Variants in TEX11 observed in about 807,000 individuals in gnomAD.
TEX11 encodes the protein testis-expressed protein 11.
In TEX11, 7 loss-of-function variants were observed where a neutral mutation model predicts 84.4. The observed-to-expected ratio is 0.08, with a 90% CI of 0.05 to 0.16. The LOEUF (loss-of-function observed/expected upper bound fraction) is 0.16. Among genes scored for constraint, TEX11 ranks in the 10% least tolerant of loss-of-function variants. The pLI is 1.00. For synonymous variants in TEX11, 264 were observed against 222.8 expected (o/e 1.18, Z -1.64); for missense variants, 551 against 660.5 (o/e 0.83, Z 1.82).
At chrX:70,567,378 G>A (rs1050406470) in intron 25 of TEX11, among the ~76,000 whole-genome samples, 2 of 111,241 alleles carry the variant, frequency 1.8e-5, no homozygotes, top group Non-Finnish European at 3.8e-5. Context: ...TGAATTTTTT[G>A]AAGGGGTTTT....
intron 8 of TEX11, among the ~76,000 whole-genome samples, chrX:70,830,899 G>A (rs1056142157): frequency 9.0e-6 from 1 of 111,310 alleles, no homozygotes; most frequent in African/African-American, 3.3e-5. Context: ...AAACAGTATA[G>A]AGGTTGCTCA....
intron 28 of TEX11, among the ~76,000 whole-genome samples, chrX:70,549,202 C>T (rs780173171): frequency 9.0e-6 from 1 of 111,112 alleles, no homozygotes; most frequent in Middle Eastern, 4.6e-3. Context: ...GACCCAGTCT[C>T]GGCAGGATTC....
chrX:70,632,121 GA>G (rs199682126), intron 17 of TEX11, among the ~76,000 whole-genome samples: 2,914 of 92,123 alleles, frequency 0.032, 101 homozygotes, highest in African/African-American at 0.1. Context: ...AGGAAAACCT[GA>G]AAAAAAAAAA....
intron 8 of TEX11, among the ~76,000 whole-genome samples, chrX:70,832,593 A>T (rs1023201254): frequency 8.0e-5 from 9 of 112,277 alleles, no homozygotes; most frequent in Non-Finnish European, 1.5e-4. Context: ...GGTACGATGT[A>T]TGCAATACTG....
intron 24 of TEX11, among the ~76,000 whole-genome samples, chrX:70,602,192 G>A (rs970205292): frequency 4.1e-4 from 46 of 111,898 alleles, no homozygotes; most frequent in African/African-American, 8.4e-4. Flanking sequence ...CCTCCCGGAT[G>A]GGGCGGCTGG....
intron 25 of TEX11, among the ~76,000 whole-genome samples, chrX:70,565,371 G>T (rs1332966068): frequency 3.7e-5 from 4 of 107,101 alleles, no homozygotes; most frequent in Non-Finnish European, 5.8e-5. Flanking sequence ...CACTCTGATG[G>T]TAGTTTCTTT....
intron 25 of TEX11, among the ~76,000 whole-genome samples, chrX:70,572,970 G>A (rs2088625234): frequency 9.0e-6 from 1 of 110,689 alleles, no homozygotes; most frequent in Non-Finnish European, 1.9e-5. Context: ...CCTGCACGTT[G>A]TGCATCTGTA....
intron 25 of TEX11, among the ~76,000 whole-genome samples, chrX:70,555,192 A>G (rs1354062807): frequency 8.9e-6 from 1 of 112,048 alleles, no homozygotes; most frequent in Non-Finnish European, 1.9e-5. Flanking sequence ...GGCCGAGTTA[A>G]CCAGAAGATA....
At chrX:70,563,738 T>C (rs73538787) in intron 25 of TEX11, among the ~76,000 whole-genome samples, 9,341 of 112,408 alleles carry the variant, frequency 0.083, 855 homozygotes, top group African/African-American at 0.26. Context: ...TGAATGGGTA[T>C]GGAATTTTTT....
At chrX:70,796,078 C>T (rs2091154444) in intron 9 of TEX11, among the ~76,000 whole-genome samples, 1 of 111,400 alleles carries the variant, frequency 9.0e-6, no homozygotes, top group African/African-American at 3.3e-5. Flanking sequence ...CAAATTAGCC[C>T]TTTTGAGGAA....
intron 25 of TEX11, among the ~76,000 whole-genome samples, chrX:70,585,181 C>G (rs1441840674): frequency 3.6e-5 from 4 of 112,213 alleles, no homozygotes; most frequent in Non-Finnish European, 7.5e-5. Flanking sequence ...GGCAAAGTTG[C>G]AGGTACAAGA....
intron 9 of TEX11, among the ~76,000 whole-genome samples, chrX:70,790,668 A>G (rs1317492118): frequency 8.9e-6 from 1 of 111,867 alleles, no homozygotes; most frequent in African/African-American, 3.2e-5. Flanking sequence ...AGTGCATCTG[A>G]TCTGCATGCC....
At chrX:70,886,597 A>G (rs1362509176) in intron 2 of TEX11, among the ~76,000 whole-genome samples, 1 of 112,138 alleles carries the variant, frequency 8.9e-6, no homozygotes, top group Admixed American at 9.5e-5. Context: ...TCTTACCACA[A>G]TAAAAAAAGA....
At chrX:70,812,160 T>C (rs2091259138) in intron 8 of TEX11, among the ~76,000 whole-genome samples, 1 of 110,345 alleles carries the variant, frequency 9.1e-6, no homozygotes, top group African/African-American at 3.3e-5. Flanking sequence ...CATTCTAGGT[T>C]TTCATGGTTT....
intron 13 of TEX11, among the ~76,000 whole-genome samples, chrX:70,701,822 A>T (rs577090200): frequency 1.8e-5 from 2 of 111,630 alleles, no homozygotes; most frequent in East Asian, 5.7e-4. Context: ...GTCAAGGATG[A>T]CTTGGAGGGG....
At chrX:70,878,089 A>G (rs960118419) in intron 3 of TEX11, among the ~76,000 whole-genome samples, 63 of 111,173 alleles carry the variant, frequency 5.7e-4, no homozygotes, top group African/African-American at 2.0e-3. Flanking sequence ...CTTCATACCC[A>G]CTAGAATGAC....
Position 70,539,723 on chromosome X carries a change from G to C in TEX11, c.2521-9724C>G, listed in dbSNP as rs145068482. 6.8e-3 allele frequency among the ~76,000 whole-genome samples: 759 copies of C among 111,378 alleles called. 5 individuals carry two copies. The highest frequency in any genetic ancestry group is 0.024 in the African/African-American group (723 of 30,635). On this transcript the variant is annotated intron_variant, in intron 28 of 29. Transcript: ENST00000374333. ...TTCCTGCTAAATAAAACTAACTCTT[G>C]AACATTATACATAAAACAAACATAA...
chrX:70,554,869 A>G, intron 25 of TEX11, 69 bp from the exon 26 acceptor site: 1 of 997,109 alleles, frequency 1.0e-6, no homozygotes, highest in East Asian at 3.4e-5. Context: ...TTGTAATTTC[A>G]CTAACTGGAG....
intron 16 of TEX11, among the ~76,000 whole-genome samples, chrX:70,662,164 C>G (rs931595840): frequency 5.4e-5 from 6 of 111,463 alleles, no homozygotes; most frequent in Non-Finnish European, 9.4e-5. Context: ...GCAGAGAAGT[C>G]CTTCAAGGAC....
Sources: allele counts gnomAD v4.1 joint callset (sites outside exome capture counted in the v4.1 genomes callset), GRCh38; gene constraint gnomAD v4.1.1; transcripts MANE v1.5; gene names NCBI Gene and HGNC (gene_info 2026-07-23, HGNC 2026-07-21).